The following MYCT1 variants were observed in gnomAD, a reference collection of about 807,000 sequenced individuals.
MYCT1 encodes the protein MYC target 1, also known as myc target protein 1.
Under a neutral mutation model 15.0 loss-of-function variants are expected in MYCT1, and 12 were observed. The observed-to-expected ratio is 0.80, with a 90% CI of 0.51 to 1.29. MYCT1 has a LOEUF of 1.29. Among genes scored for constraint, MYCT1 ranks in the 50% most tolerant of loss-of-function variants. The pLI is 0.00. For missense variants in MYCT1, 287 were observed against 279.1 expected, an observed-to-expected ratio of 1.03 and a Z score of -0.20; for synonymous variants, 104 against 102.7, an observed-to-expected ratio of 1.01 and a Z score of -0.07.
chr6:152,697,906 C>A lies in MYCT1; in HGVS notation c.4C>A (p.Arg2=), dbSNP rs1320878743. 2 of 1,554,772 alleles carry A rather than the reference C, an allele frequency of 1.3e-6. No individual in the cohort carries two copies. The highest frequency in any genetic ancestry group is 8.6e-7 in the Non-Finnish European group (1 of 1,156,236). M[R]TQVYEGLCKN... is the part of the protein sequence containing the mutation. ...CATGATACACTTATTTCCTTTTATG[C>A]GAACACAAGTATATGAGGGGTTGTG... The change falls in exon 1 of 2, where the codon CGA becomes AGA. Residue 2 remains arginine, a synonymous_variant. Transcript: ENST00000367245.
At chr6:152,745,147 TG>T in the MYCT1 span, among the ~76,000 whole-genome samples, 1 of 152,150 alleles carries the variant, frequency 6.6e-6, no homozygotes, top group Non-Finnish European at 1.5e-5. Flanking sequence ...AGGGCCTCTT[TG>T]AAACTGGTTT....
At chr6:152,738,620 C>T in the MYCT1 span, among the ~76,000 whole-genome samples, 3 of 152,016 alleles carry the variant, frequency 2.0e-5, no homozygotes, top group African/African-American at 7.2e-5. Flanking sequence ...GCGAATAATG[C>T]TTACTTCATA....
the MYCT1 span, among the ~76,000 whole-genome samples, chr6:152,745,576 A>G: frequency 6.6e-6 from 1 of 152,164 alleles, no homozygotes; most frequent in East Asian, 1.9e-4. Flanking sequence ...TCAGATTTGA[A>G]AAGAGGATTT....
Position 152,722,101 on chromosome 6 carries a change from ACT to A in MYCT1, c.560_561del (p.Leu187ProfsTer19). Reference sequence around the variant, plus strand: ...TGTGGAAACTGAGAGTCAGCTGGTGACTCTCCCTTCTTCCAATATCTCTCCCA... The same window carrying A: ...TGTGGAAACTGAGAGTCAGCTGGTGACTCCCTTCTTCCAATATCTCTCCCA... ...LPVETESQLVTLPSSNISPTI... is the reference protein window; with the variant it reads ...LPVETESQLVXLPSSNISPTI... On this transcript the variant is annotated frameshift_variant, in exon 2 of 2. Coordinates refer to ENST00000367245, the MANE Select transcript of MYCT1 (RefSeq NM_025107.3). LOFTEE classifies it low-confidence loss of function (END_TRUNC). 6.2e-7 allele frequency: 1 copy of A among 1,613,452 alleles called. No individual in the cohort carries two copies. Among genetic ancestry groups the A allele is most frequent in the South Asian group, 1.1e-5 (1 of 91,046 alleles).
chr6:152,706,042 T>C, intron 1 of MYCT1: 1 of 1,118,844 alleles, frequency 8.9e-7, no homozygotes, highest in Non-Finnish European at 1.3e-6. Context: ...GAAATTGTAG[T>C]CACAAAAATT....
At chr6:152,715,033 T>G (rs2099723409) in intron 1 of MYCT1, among the ~76,000 whole-genome samples, 1 of 152,092 alleles carries the variant, frequency 6.6e-6, no homozygotes, top group African/African-American at 2.4e-5. Flanking sequence ...AGGGTCCAAC[T>G]TCCTTGGCAG....
chr6:152,741,104 A>C, the MYCT1 span, among the ~76,000 whole-genome samples: 2 of 152,298 alleles, frequency 1.3e-5, no homozygotes, highest in Middle Eastern at 3.4e-3. Context: ...CACAGAACAA[A>C]GAAAAAAAAT....
the MYCT1 span, among the ~76,000 whole-genome samples, chr6:152,731,480 C>G: frequency 6.6e-6 from 1 of 152,082 alleles, no homozygotes; most frequent in Non-Finnish European, 1.5e-5. Context: ...GTTAACTCGT[C>G]ATTTACATGA....
At chr6:152,727,947 T>G (rs1256482367), downstream of MYCT1, among the ~76,000 whole-genome samples, 1 of 152,030 alleles carries the variant, frequency 6.6e-6, no homozygotes, top group African/African-American at 2.4e-5. Context: ...GCAGATCACT[T>G]GAGGTCAGGA....
chr6:152,714,242 T>C (rs1294666815), intron 1 of MYCT1, among the ~76,000 whole-genome samples: 1 of 141,350 alleles, frequency 7.1e-6, no homozygotes, highest in Non-Finnish European at 1.6e-5. Context: ...ATTAGTATTT[T>C]ATTCATTTTT....
Position 152,722,334 on chromosome 6 carries a change from T to C in MYCT1, c.*81T>C. 1 of 1,425,478 alleles carries C rather than the reference T, an allele frequency of 7.0e-7. No individual in the cohort carries two copies. The highest frequency in any genetic ancestry group is 9.4e-7 in the Non-Finnish European group (1 of 1,065,098). The allele number at this position is 1,425,478 out of a possible 1,614,324, so 88.3% of individuals were successfully genotyped here. ...ATCAAAAATAGGCTAAACAGAATTTTGAGGGCATGGCCCAAATAACTCATG... is the reference window on the plus strand; with the variant it reads ...ATCAAAAATAGGCTAAACAGAATTTCGAGGGCATGGCCCAAATAACTCATG... On this transcript the variant is annotated 3_prime_UTR_variant, in exon 2 of 2. Transcript: ENST00000367245.
At chr6:152,725,348 T>A (rs994520522), downstream of MYCT1, among the ~76,000 whole-genome samples, 2 of 152,228 alleles carry the variant, frequency 1.3e-5, no homozygotes, top group Non-Finnish European at 2.9e-5. Flanking sequence ...GAAAAATTAA[T>A]TGATTTACAA....
chr6:152,740,512 A>C, the MYCT1 span, among the ~76,000 whole-genome samples: 2 of 152,220 alleles, frequency 1.3e-5, no homozygotes, highest in Non-Finnish European at 2.9e-5. Context: ...ACATTGTACA[A>C]AAATAGAAAT....
Position 152,697,926 on chromosome 6 carries a change from G to A in MYCT1, c.24G>A (p.Gly8=). Residue 8 remains glycine (G), a synonymous_variant, in exon 1 of 2, where the codon GGG becomes GGA. Coordinates refer to ENST00000367245, the MANE Select transcript of MYCT1 (RefSeq NM_025107.3). The part of the protein sequence containing the change: MRTQVYE[G]LCKNYFSLAV... ...TTATGCGAACACAAGTATATGAGGGGTTGTGTAAAAATTATTTTTCTCTTG... is the reference window on the plus strand; with the variant it reads ...TTATGCGAACACAAGTATATGAGGGATTGTGTAAAAATTATTTTTCTCTTG... 2 of 1,595,764 alleles carry A rather than the reference G, an allele frequency of 1.3e-6. No individual in the cohort carries two copies. The highest frequency in any genetic ancestry group is 1.7e-6 in the Non-Finnish European group (2 of 1,173,110).
chr6:152,729,231 G>T (rs1355993584), downstream of MYCT1, among the ~76,000 whole-genome samples: 2 of 152,094 alleles, frequency 1.3e-5, no homozygotes, highest in African/African-American at 2.4e-5. Context: ...TGCTAGGCGC[G>T]AATGTTCTTT....
downstream of MYCT1, among the ~76,000 whole-genome samples, chr6:152,727,902 G>A (rs1275531540): frequency 1.3e-5 from 2 of 152,120 alleles, no homozygotes; most frequent in Non-Finnish European, 2.9e-5. Flanking sequence ...GGTGGCTCAC[G>A]CCTGTAATCC....
chr6:152,735,050 A>G, the MYCT1 span, among the ~76,000 whole-genome samples: 2 of 152,248 alleles, frequency 1.3e-5, no homozygotes, highest in Non-Finnish European at 2.9e-5. Flanking sequence ...GAAGGTTTCT[A>G]AAAAGGAAAT....
At chr6:152,705,055 T>C (rs2099722026) in intron 1 of MYCT1, among the ~76,000 whole-genome samples, 1 of 152,202 alleles carries the variant, frequency 6.6e-6, no homozygotes, top group African/African-American at 2.4e-5. Flanking sequence ...TTATAACTTC[T>C]TCTTTTTTAC....
chr6:152,698,876 A>G (rs566531495), intron 1 of MYCT1, among the ~76,000 whole-genome samples: 5 of 152,154 alleles, frequency 3.3e-5, no homozygotes, highest in Admixed American at 6.6e-5. Flanking sequence ...TGACAATGGG[A>G]CTGTGCTGAG....
Sources: gnomAD v4.1 joint callset for allele counts (sites outside exome capture counted in the v4.1 genomes callset) on GRCh38, gnomAD v4.1.1 for gene constraint, MANE v1.5 for transcripts, NCBI Gene and HGNC (gene_info 2026-07-23, HGNC 2026-07-21) for gene names.